RASGRP4: variants seen among roughly 807,000 people sequenced by gnomAD.
The protein encoded by RASGRP4 is RAS guanyl releasing protein 4.
A neutral mutation model predicts 84.4 loss-of-function variants in RASGRP4; 52 were observed. That is an observed-to-expected ratio of 0.62 (90% CI 0.49 to 0.78). RASGRP4 has a LOEUF of 0.78. Ranked by LOEUF, RASGRP4 falls within the 30% of genes least tolerant of loss-of-function variation. The pLI is 0.00. For synonymous variants in RASGRP4, 356 were observed against 359.1 expected, an observed-to-expected ratio of 0.99 and a Z score of 0.10; for missense variants, 760 against 886.9, an observed-to-expected ratio of 0.86 and a Z score of 1.82.
chr19:38,418,209 C>T lies in RASGRP4; in HGVS notation c.837+182G>A, dbSNP rs574929008. 2.2e-4 allele frequency among the ~76,000 whole-genome samples: 33 copies of T among 151,872 alleles called. No individual in the cohort carries two copies. In the East Asian group the frequency reaches 6.4e-3, roughly 30 times the overall value. ...GGCCACGGTGGGTGCGACGCGGTGA[C>T]ATCAAGGCCAAAGAAGAAGTTACGG... On this transcript the variant is annotated intron_variant, in intron 7 of 16. Coordinates refer to ENST00000615439, the MANE Select transcript of RASGRP4 (RefSeq NM_170604.3). This position sits in a 1 kb window ranked among gnomAD's most constrained non-coding sequence, Gnocchi z 4.6.
intron 14 of RASGRP4, 45 bp downstream of exon 14, chr19:38,411,300 C>T (rs1044642427): frequency 1.9e-6 from 3 of 1,611,996 alleles, no homozygotes; most frequent in Non-Finnish European, 2.5e-6. Flanking sequence ...ATTCTTCCAG[C>T]CTGCGGGCCA....
Position 38,420,916 on chromosome 19 carries a change from G to C in RASGRP4, c.369C>G (p.His123Gln). 1 of 1,604,142 alleles carries C rather than the reference G, an allele frequency of 6.2e-7. No homozygotes were observed. The highest frequency in any genetic ancestry group is 8.5e-7 in the Non-Finnish European group (1 of 1,175,692). ...TCTCGGCCCAGCCCTACCTGACCAG[G>C]TGACAGATCTGCAGCCGTCTCAGCT... ...TQELRRLQIC[H>Q]LVRYWLMRHP... Residue 123 changes from histidine (H) to glutamine (Q), a missense_variant, in exon 4 of 17, where the codon CAC becomes CAG. His to Gln is a conservative substitution (Grantham distance 24). Coordinates refer to ENST00000615439, the MANE Select transcript of RASGRP4 (RefSeq NM_170604.3).
At chr19:38,419,240 T>A (rs983796530) in intron 6 of RASGRP4, among the ~76,000 whole-genome samples, 86 of 152,178 alleles carry the variant, frequency 5.7e-4, no homozygotes, top group African/African-American at 1.9e-3. Context: ...TTTCAAATGG[T>A]TCAAGCAGAT....
At chr19:38,422,950 C>T (rs1225561932) in intron 1 of RASGRP4, among the ~76,000 whole-genome samples, 4 of 152,032 alleles carry the variant, frequency 2.6e-5, no homozygotes, top group African/African-American at 9.7e-5. Context: ...TAGAAGACCC[C>T]TGGGACCACT....
chr19:38,417,085 G>C lies in RASGRP4; in HGVS notation c.921C>G (p.Asp307Glu), dbSNP rs1490417336. The change falls in exon 8 of 17, where the codon GAC (aspartate) becomes GAG (glutamate). Residue 307 changes from aspartate to glutamate, a missense_variant. Coordinates refer to ENST00000615439, the MANE Select transcript of RASGRP4 (RefSeq NM_170604.3). The surrounding 1 kb of genome is among the most constrained non-coding windows in gnomAD (Gnocchi z 5.1). ...LCHSAISRLK[D>E]SHAHLSPDST... Reference sequence around the variant, plus strand: ...TGTCAGGGCTCAGGTGGGCATGGGAGTCCTTGAGTCTGGAGATGGCACTGT... The same window carrying C: ...TGTCAGGGCTCAGGTGGGCATGGGACTCCTTGAGTCTGGAGATGGCACTGT... 3.8e-6 allele frequency: 6 copies of C among 1,562,238 alleles called. No homozygotes were observed. Among genetic ancestry groups the C allele is most frequent in the Non-Finnish European group, 5.2e-6 (6 of 1,152,768 alleles).
intron 1 of RASGRP4, among the ~76,000 whole-genome samples, chr19:38,425,499 G>T (rs1376369139): frequency 6.6e-6 from 1 of 152,156 alleles, no homozygotes; most frequent in Non-Finnish European, 1.5e-5. Flanking sequence ...TGGTGCTGGG[G>T]GTGGCAGGAG....
chr19:38,423,232 G>T (rs1971834494), intron 1 of RASGRP4, among the ~76,000 whole-genome samples: 1 of 152,194 alleles, frequency 6.6e-6, no homozygotes, highest in African/African-American at 2.4e-5. Flanking sequence ...CCTCAAGAGA[G>T]CAAGGCTCTT....
rs530031928 is a variant in RASGRP4 at position 38,418,011 on chromosome 19, G to T, written c.837+380C>A. On this transcript the variant is annotated intron_variant, in intron 7 of 16. Coordinates refer to ENST00000615439, the MANE Select transcript of RASGRP4 (RefSeq NM_170604.3). The surrounding 1 kb of genome is among the most constrained non-coding windows in gnomAD (Gnocchi z 4.6). Reference sequence around the variant, plus strand: ...GGCGGGGAGAGCCCGGACGCAATGGGGAGCGATGCACAATCCCGAAGCGAC... The same window carrying T: ...GGCGGGGAGAGCCCGGACGCAATGGTGAGCGATGCACAATCCCGAAGCGAC... Among the ~76,000 whole-genome samples, 1 of 151,472 alleles carries T rather than the reference G, an allele frequency of 6.6e-6. No individual in the cohort carries two copies. The highest frequency in any genetic ancestry group is 2.1e-4 in the South Asian group (1 of 4,782).
chr19:38,417,069 T>C lies in RASGRP4; in HGVS notation c.937A>G (p.Ser313Gly). Residue 313 changes from serine (S) to glycine (G), a missense_variant, in exon 8 of 17, where the codon AGC becomes GGC. Physicochemically the swap from Ser to Gly is moderately conservative, Grantham distance 56. Transcript: ENST00000615439. The surrounding 1 kb of genome is among the most constrained non-coding windows in gnomAD (Gnocchi z 5.1). ...GGATTCACCTTGGTGCTGTCAGGGC[T>C]CAGGTGGGCATGGGAGTCCTTGAGT... ...SRLKDSHAHL[S>G]PDSTKALLEL... 1 of 1,555,320 alleles carries C rather than the reference T, an allele frequency of 6.4e-7. No individual in the cohort carries two copies. The highest frequency in any genetic ancestry group is 8.7e-7 in the Non-Finnish European group (1 of 1,147,612).
intron 1 of RASGRP4, among the ~76,000 whole-genome samples, chr19:38,422,695 A>G (rs936376080): frequency 6.6e-6 from 1 of 152,068 alleles, no homozygotes; most frequent in African/African-American, 2.4e-5. Flanking sequence ...TCACCCCCAG[A>G]TGGGAGCATC....
Position 38,421,210 on chromosome 19 carries a change from A to G in RASGRP4, c.209-10T>C, listed in dbSNP as rs1269114011. On this transcript the variant is annotated splice_polypyrimidine_tract_variant and intron_variant, in intron 2 of 16. Coordinates refer to ENST00000615439, the MANE Select transcript of RASGRP4 (RefSeq NM_170604.3). ...AGGCTGCCAGCTGAATCTGGGGTGGAAGGAGGGGTACTCTGTGACAGAATG... is the reference window on the plus strand; with the variant it reads ...AGGCTGCCAGCTGAATCTGGGGTGGGAGGAGGGGTACTCTGTGACAGAATG... 1.3e-6 allele frequency: 2 copies of G among 1,592,064 alleles called. No individual in the cohort carries two copies. Among genetic ancestry groups the G allele is most frequent in the Non-Finnish European group, 8.6e-7 (1 of 1,160,508 alleles).
rs1433430810 is a variant in RASGRP4, at chr19:38,413,312, G to C, written c.1312-15C>G. On this transcript the variant is annotated splice_polypyrimidine_tract_variant and intron_variant, in intron 10 of 16. Transcript: ENST00000615439. The surrounding 1 kb of genome is among the most constrained non-coding windows in gnomAD (Gnocchi z 4.7). ...GGGGAGGGTGGCTGGGGCGGGGACA[G>C]AGGAGCACAGTTAGTCACTGCATAG... 1.2e-6 allele frequency: 2 copies of C among 1,610,264 alleles called. No homozygotes were observed. The highest frequency in any genetic ancestry group is 1.7e-6 in the Non-Finnish European group (2 of 1,176,748).
intron 8 of RASGRP4, among the ~76,000 whole-genome samples, chr19:38,415,923 G>A (rs1971480684): frequency 6.6e-6 from 1 of 151,214 alleles, no homozygotes; most frequent in African/African-American, 2.4e-5. Context: ...ACTGGGTCTG[G>A]TGGTGCAGGC....
chr19:38,426,051 TG>T lies in RASGRP4; in HGVS notation c.23+17del. 1.5e-6 allele frequency: 2 copies of T among 1,369,092 alleles called. No homozygotes were observed. The highest frequency in any genetic ancestry group is 2.0e-5 in the South Asian group (1 of 49,808). 84.8% of individuals were successfully genotyped at this position (1,369,092 alleles called of 1,614,324 possible). A position where few individuals can be genotyped will look rare whatever the true frequency, so the allele number is the denominator to read the frequency against. ...GGCCTCAGGGTGCTGCCGGGCTCCC[TG>T]GGGAGGGTCCTCTCACCTCTTACTG... On this transcript the variant is annotated intron_variant, in intron 1 of 16. Coordinates refer to ENST00000615439, the MANE Select transcript of RASGRP4 (RefSeq NM_170604.3).
chr19:38,414,726 TG>T, intron 9 of RASGRP4, 121 bp downstream of exon 9: 1 of 1,025,774 alleles, frequency 9.7e-7, no homozygotes, highest in Non-Finnish European at 1.4e-6. Context: ...CTAGAAGTTC[TG>T]GCTTCAAAAC....
chr19:38,424,055 C>T (rs1971880570), intron 1 of RASGRP4, among the ~76,000 whole-genome samples: 1 of 152,050 alleles, frequency 6.6e-6, no homozygotes. Context: ...TTCTCTGGGG[C>T]TCAATTTCCT....
intron 16 of RASGRP4, 73 bp from the exon 17 acceptor site, chr19:38,410,169 T>C: frequency 8.1e-7 from 1 of 1,228,232 alleles, no homozygotes; most frequent in South Asian, 1.3e-5. Context: ...GACGCTTCAC[T>C]GCCAGGAACA....
chr19:38,414,742 G>T, intron 9 of RASGRP4, 106 bp downstream of exon 9: 1 of 1,187,652 alleles, frequency 8.4e-7, no homozygotes, highest in Non-Finnish European at 1.2e-6. Flanking sequence ...CAAAACCCAT[G>T]CACTCCAGCA....
Position 38,409,115 on chromosome 19 carries a change from T to C in RASGRP4, c.*925A>G. On this transcript the variant is annotated 3_prime_UTR_variant, in exon 17 of 17. Transcript: ENST00000615439. ...AGGACCTCTCTCTGTGGGGGCCAAG[T>C]CAGGGGTGTTGGGGTTTGTGAAGGG... 2.8e-6 allele frequency: 1 copy of C among 351,152 alleles called. No individual in the cohort carries two copies. The highest frequency in any genetic ancestry group is 5.0e-6 in the Non-Finnish European group (1 of 200,372). 21.8% of individuals were successfully genotyped at this position (351,152 alleles called of 1,614,324 possible).
Sources: allele counts gnomAD v4.1 joint callset (sites outside exome capture counted in the v4.1 genomes callset), GRCh38; gene constraint gnomAD v4.1.1; non-coding constraint Gnocchi (gnomAD v3.1); transcripts MANE v1.5; gene names NCBI Gene and HGNC (gene_info 2026-07-23, HGNC 2026-07-21).